ZNF536: variants seen among roughly 807,000 people sequenced by gnomAD.
The protein encoded by ZNF536 is zinc finger protein 536.
In ZNF536, 13 loss-of-function variants were observed where a neutral mutation model predicts 84.5. The observed-to-expected ratio is 0.15, with a 90% CI of 0.10 to 0.24. The LOEUF (loss-of-function observed/expected upper bound fraction) is 0.24. ZNF536 is among the 10% of genes least tolerant of loss of function. The pLI, the probability that ZNF536 is intolerant of heterozygous loss-of-function variation, is 1.00. For synonymous variants in ZNF536, 811 were observed against 742.5 expected, an observed-to-expected ratio of 1.09 and a Z score of -1.50; for missense variants, 1,536 against 1,747.5, an observed-to-expected ratio of 0.88 and a Z score of 2.16.
At chr19:30,488,575 A>AC (rs2054384905) in intron 2 of ZNF536, among the ~76,000 whole-genome samples, 2 of 151,962 alleles carry the variant, frequency 1.3e-5, no homozygotes, top group Admixed American at 6.6e-5. Flanking sequence ...TAAAAAAAAA[A>AC]AACAACCCTG....
intron 2 of ZNF536, among the ~76,000 whole-genome samples, chr19:30,457,099 C>T (rs536828191): frequency 2.0e-4 from 31 of 151,778 alleles, no homozygotes; most frequent in African/African-American, 6.3e-4. Context: ...TGTCTGGAAG[C>T]CCACAGCCTC....
intron 2 of ZNF536, among the ~76,000 whole-genome samples, chr19:30,490,479 G>A (rs1179694297): frequency 6.6e-6 from 1 of 152,186 alleles, no homozygotes; most frequent in African/African-American, 2.4e-5. Flanking sequence ...ATCCCTTGCT[G>A]AACTGGCAGT....
intron 1 of ZNF536, among the ~76,000 whole-genome samples, chr19:30,680,234 T>TTTTTATTTTATTTTA (rs10677137): frequency 2.4e-4 from 36 of 148,144 alleles, no homozygotes; most frequent in South Asian, 6.5e-4. Flanking sequence ...ATGATTATTA[T>TTTTTATTTTATTTTA]TTTTATTTTA....
At chr19:30,526,264 TGCCCACAGCCA>T (rs909513522) in intron 2 of ZNF536, among the ~76,000 whole-genome samples, 2 of 152,210 alleles carry the variant, frequency 1.3e-5, no homozygotes, top group African/African-American at 4.8e-5. Context: ...TGAGAGTACC[TGCCCACAGCCA>T]GCCCATAGCC....
chr19:30,636,442 T>G (rs1464125697), intron 1 of ZNF536, among the ~76,000 whole-genome samples: 4 of 152,136 alleles, frequency 2.6e-5, no homozygotes, highest in Non-Finnish European at 5.9e-5. Flanking sequence ...AAATATTGCT[T>G]GTGAAAAAAT....
intron 1 of ZNF536, among the ~76,000 whole-genome samples, chr19:30,655,626 T>C (rs2049880421): frequency 6.6e-6 from 1 of 152,184 alleles, no homozygotes; most frequent in South Asian, 2.1e-4. Context: ...AGAATTGAGC[T>C]GGGCCTGCAA....
At chr19:30,494,743 C>T (rs546328567) in intron 2 of ZNF536, among the ~76,000 whole-genome samples, 25 of 152,070 alleles carry the variant, frequency 1.6e-4, no homozygotes, top group Middle Eastern at 3.4e-3. Context: ...GTCAGGAGTT[C>T]AAGAACAGCC....
At chr19:30,499,398 T>G (rs1036279478) in intron 2 of ZNF536, among the ~76,000 whole-genome samples, 1 of 152,204 alleles carries the variant, frequency 6.6e-6, no homozygotes, top group African/African-American at 2.4e-5. Flanking sequence ...TGTATGTATG[T>G]ATGTATCTAT....
At chr19:30,361,709 G>A (rs1421241123) in intron 3 of ZNF536, among the ~76,000 whole-genome samples, 1 of 151,978 alleles carries the variant, frequency 6.6e-6, no homozygotes, top group African/African-American at 2.4e-5. Context: ...TCCAAAGAGT[G>A]GGGACCAGGT....
chr19:30,310,914 CAT>C (rs2046480937), intron 2 of ZNF536, among the ~76,000 whole-genome samples: 1 of 152,214 alleles, frequency 6.6e-6, no homozygotes, highest in Non-Finnish European at 1.5e-5. Context: ...ACCCATTCCT[CAT>C]TATCTGATGT....
At chr19:30,675,178 C>G (rs1206250990) in intron 1 of ZNF536, among the ~76,000 whole-genome samples, 1 of 152,166 alleles carries the variant, frequency 6.6e-6, no homozygotes, top group Non-Finnish European at 1.5e-5. Context: ...ACTGGATATG[C>G]CATTTAGGCT....
intron 1 of ZNF536, among the ~76,000 whole-genome samples, chr19:30,272,863 A>G (rs150048808): frequency 3.9e-5 from 6 of 152,334 alleles, no homozygotes; most frequent in Admixed American, 6.5e-5. Flanking sequence ...GTGATTCATA[A>G]TAACATTCAA....
intron 3 of ZNF536, among the ~76,000 whole-genome samples, chr19:30,535,582 AAGTG>A (rs2045037780): frequency 6.6e-6 from 1 of 152,092 alleles, no homozygotes; most frequent in Non-Finnish European, 1.5e-5. Context: ...AAAGGGGGGC[AAGTG>A]GCTGCTGCAC....
chr19:30,614,563 A>G (rs1233019871), intron 1 of ZNF536, among the ~76,000 whole-genome samples: 1 of 151,838 alleles, frequency 6.6e-6, no homozygotes, highest in Non-Finnish European at 1.5e-5. Context: ...TAGGTTTCTG[A>G]TTGTTTTTAT....
At chr19:30,225,979 G>T (rs572065481), upstream of ZNF536, among the ~76,000 whole-genome samples, 3 of 152,014 alleles carry the variant, frequency 2.0e-5, no homozygotes, top group African/African-American at 7.2e-5. Flanking sequence ...CCGAGCCGGC[G>T]GCTGCGGCCG....
At chr19:30,441,756 T>A (rs1465680303) in intron 1 of ZNF536, among the ~76,000 whole-genome samples, 2 of 152,264 alleles carry the variant, frequency 1.3e-5, no homozygotes, top group East Asian at 3.8e-4. Context: ...TGTGCATATC[T>A]TTCATTCGTG....
intron 1 of ZNF536, among the ~76,000 whole-genome samples, chr19:30,622,731 C>G (rs2048527827): frequency 6.6e-6 from 1 of 152,172 alleles, no homozygotes; most frequent in Non-Finnish European, 1.5e-5. Context: ...TTGGGAGTCA[C>G]CAGGGAGACG....
intron 1 of ZNF536, among the ~76,000 whole-genome samples, chr19:30,252,490 C>T (rs1387994310): frequency 6.6e-6 from 1 of 152,148 alleles, no homozygotes; most frequent in Admixed American, 6.5e-5. Context: ...CTCCATCTAC[C>T]TCAGGTCAAC....
intron 1 of ZNF536, among the ~76,000 whole-genome samples, chr19:30,590,407 GGGTGACATGCACATTTTCTGT>G (rs2047235320): frequency 6.6e-6 from 1 of 152,184 alleles, no homozygotes; most frequent in African/African-American, 2.4e-5. Context: ...AAAGGAGAGT[GGGTGACATGCACATTTTCTGT>G]GGCTTCCAAT....
Sources: allele counts gnomAD v4.1 joint callset (sites outside exome capture counted in the v4.1 genomes callset), GRCh38; gene constraint gnomAD v4.1.1; transcripts MANE v1.5; gene names NCBI Gene and HGNC (gene_info 2026-07-23, HGNC 2026-07-21).